Variants in AGBL4 observed in about 807,000 individuals in gnomAD.
AGBL4 encodes AGBL carboxypeptidase 4.
In AGBL4, 58 loss-of-function variants were observed where a neutral mutation model predicts 66.4. That is an observed-to-expected ratio of 0.87 (90% CI 0.71 to 1.09). The LOEUF is 1.09. Ranked by LOEUF, AGBL4 falls within the 50% of genes least tolerant of loss-of-function variation. The probability of loss-of-function intolerance (pLI) is 0.00; values close to 1 mark genes in which losing one functional copy is unlikely to be tolerated. For synonymous variants in AGBL4, 234 were observed against 222.9 expected (o/e 1.05, Z -0.44); for missense variants, 579 against 631.0 (o/e 0.92, Z 0.88).
chr1:49,274,938 A>G (rs748530777), intron 3 of AGBL4, among the ~76,000 whole-genome samples: 1 of 152,194 alleles, frequency 6.6e-6, no homozygotes, highest in Non-Finnish European at 1.5e-5. Context: ...AGAGCTTGTA[A>G]CAATTGGGTA....
At chr1:48,780,857 C>T (rs1645275708) in intron 6 of AGBL4, among the ~76,000 whole-genome samples, 1 of 152,210 alleles carries the variant, frequency 6.6e-6, no homozygotes, top group Non-Finnish European at 1.5e-5. Context: ...CCATTCAGGA[C>T]ATAGGCATGG....
At position 49,074,207 on chromosome 1, in the gene AGBL4, G is replaced by A. The variant is rs542655337; in HGVS notation, c.378-28407C>T. 5.3e-5 allele frequency among the ~76,000 whole-genome samples: 8 copies of A among 152,314 alleles called. No homozygotes were observed. In the East Asian group the frequency reaches 9.7e-4, roughly 18 times the overall value. ...CATGGGACCTGCTGAGCCAGGCACC[G>A]GAGGGAATCTCCTGGTCTGCCGGTT... On this transcript the variant is annotated intron_variant, in intron 4 of 13. Transcript: ENST00000371839.
At chr1:48,585,158 G>A (rs1644799361) in intron 11 of AGBL4, 1 of 152,154 alleles carries the variant, frequency 6.6e-6, no homozygotes. Flanking sequence ...ACCAAGGGTG[G>A]GCTTTCTACT....
In AGBL4 at chr1:49,045,594, C is replaced by A. The variant is rs1644058271; in HGVS notation, c.584G>T (p.Gly195Val). Reference protein sequence around the residue: ...NMDYFFREQLGQSVQQRKLDL... With the variant: ...NMDYFFREQLVQSVQQRKLDL... ...TGGCACAGGCCTTACCACACTCTGG[C>A]CCAGCTGCTCCCGAAAGAAGTAATC... The change falls in exon 5 of 14, where the codon GGC (glycine) becomes GTC (valine). Residue 195 changes from glycine (G) to valine (V), a missense_variant. By Grantham distance (109) the Gly-to-Val change is moderately radical (BLOSUM62 -3). Coordinates refer to ENST00000371839, the MANE Select transcript of AGBL4 (RefSeq NM_032785.4). 1.2e-6 allele frequency: 2 copies of A among 1,604,032 alleles called. No homozygotes were observed. The highest frequency in any genetic ancestry group is 2.3e-5 in the South Asian group (2 of 88,818).
intron 1 of AGBL4, among the ~76,000 whole-genome samples, chr1:49,936,935 C>G (rs555871552): frequency 8.5e-5 from 13 of 152,232 alleles, no homozygotes; most frequent in African/African-American, 9.6e-5. Flanking sequence ...CATCAACTAA[C>G]GAGCAAAATA....
intron 9 of AGBL4, among the ~76,000 whole-genome samples, chr1:48,610,673 G>T (rs564516677): frequency 3.3e-5 from 5 of 152,284 alleles, no homozygotes; most frequent in African/African-American, 9.6e-5. Flanking sequence ...GATATTCAGT[G>T]CCTAAGATAT....
At chr1:49,682,453 C>G (rs1329228036) in intron 3 of AGBL4, among the ~76,000 whole-genome samples, 1 of 152,106 alleles carries the variant, frequency 6.6e-6, no homozygotes, top group Non-Finnish European at 1.5e-5. Context: ...ATTACTGACT[C>G]TCATTAATGA....
intron 8 of AGBL4, among the ~76,000 whole-genome samples, chr1:48,641,725 G>T (rs1157481596): frequency 4.6e-5 from 7 of 152,102 alleles, no homozygotes; most frequent in African/African-American, 1.7e-4. Flanking sequence ...CTCAGAAGTG[G>T]TAATTTGACC....
intron 2 of AGBL4, among the ~76,000 whole-genome samples, chr1:49,751,612 A>T (rs1455981105): frequency 6.6e-6 from 1 of 152,126 alleles, no homozygotes. Flanking sequence ...ATTAGGGAGG[A>T]GTACCTCTTG....
chr1:49,027,286 G>A (rs192701591), intron 5 of AGBL4, among the ~76,000 whole-genome samples: 80 of 151,938 alleles, frequency 5.3e-4, no homozygotes, highest in African/African-American at 1.7e-3. Context: ...TAAGCTTCCC[G>A]AGTAGCTGAG....
intron 4 of AGBL4, among the ~76,000 whole-genome samples, chr1:49,138,213 A>T (rs1014713131): frequency 6.6e-6 from 1 of 152,136 alleles, no homozygotes; most frequent in Non-Finnish European, 1.5e-5. Flanking sequence ...CCAGGTGAGT[A>T]AACAACGTCC....
At chr1:48,549,516 G>A (rs1283264331) in intron 11 of AGBL4, among the ~76,000 whole-genome samples, 1 of 152,066 alleles carries the variant, frequency 6.6e-6, no homozygotes, top group Non-Finnish European at 1.5e-5. Context: ...GAGAGAGATG[G>A]ATTAGAGGGT....
intron 3 of AGBL4, among the ~76,000 whole-genome samples, chr1:49,664,377 T>C (rs1646323756): frequency 1.3e-5 from 2 of 152,100 alleles, no homozygotes; most frequent in Non-Finnish European, 2.9e-5. Context: ...AGCATAGGTA[T>C]ATATTCTTGA....
At chr1:49,278,198 CT>C (rs796178260) in intron 3 of AGBL4, among the ~76,000 whole-genome samples, 88 of 148,724 alleles carry the variant, frequency 5.9e-4, no homozygotes, top group Middle Eastern at 6.9e-3. Context: ...CTGTGTCCCT[CT>C]TTTTTTTTTC....
intron 6 of AGBL4, among the ~76,000 whole-genome samples, chr1:48,663,535 A>G (rs1487104131): frequency 6.6e-6 from 1 of 152,206 alleles, no homozygotes; most frequent in Non-Finnish European, 1.5e-5. Context: ...AAATCCACTG[A>G]CTGTGACTTT....
chr1:49,738,249 A>G (rs1650071711), intron 2 of AGBL4, among the ~76,000 whole-genome samples: 4 of 152,218 alleles, frequency 2.6e-5, no homozygotes, highest in Non-Finnish European at 5.9e-5. Context: ...ATGGCACACA[A>G]GGAGATTGTA....
At chr1:48,574,629 C>G (rs575283594) in intron 11 of AGBL4, among the ~76,000 whole-genome samples, 2 of 151,158 alleles carry the variant, frequency 1.3e-5, no homozygotes, top group African/African-American at 4.9e-5. Context: ...GGATTGAGAG[C>G]AGTGGTCCTG....
rs772814111 is a variant in AGBL4 at position 49,851,532 on chromosome 1, T to C, written c.35-14A>G. ...CCATATCATTGCCTATTTAAAAAAA[T>C]TGAAATAAAAGTCAAAGTATATTCG... is the stretch of plus-strand genomic sequence containing the variant. On this transcript the variant is annotated splice_polypyrimidine_tract_variant and intron_variant, in intron 1 of 13. Transcript: ENST00000371839. The C allele has an allele frequency of 4.7e-5, 73 of 1,543,884 alleles. No homozygotes were observed. The South Asian group carries it at 6.1e-4, about 13-fold the overall frequency.
chr1:48,554,979 C>T lies in AGBL4; in HGVS notation c.1268-15241G>A, dbSNP rs182710642. 1.7e-3 allele frequency among the ~76,000 whole-genome samples: 255 copies of T among 152,228 alleles called. 1 individual carries two copies. The South Asian group carries it at 0.03, about 18-fold the overall frequency. ...CTGCTGTGTAAGGTACTGTGCCAGA[C>T]GCTATGGGTTTGGAGATGAGAAATC... On this transcript the variant is annotated intron_variant, in intron 11 of 13. Coordinates refer to ENST00000371839, the MANE Select transcript of AGBL4 (RefSeq NM_032785.4).
Sources: gnomAD v4.1 joint callset for allele counts (sites outside exome capture counted in the v4.1 genomes callset) on GRCh38, gnomAD v4.1.1 for gene constraint, MANE v1.5 for transcripts, NCBI Gene and HGNC (gene_info 2026-07-23, HGNC 2026-07-21) for gene names.